CEP112: variants seen among roughly 807,000 people sequenced by gnomAD.
The protein encoded by CEP112 is centrosomal protein 112.
Under a neutral mutation model 153.0 loss-of-function variants are expected in CEP112, and 127 were observed. The observed-to-expected ratio is 0.83, with a 90% CI of 0.72 to 0.96. The LOEUF (loss-of-function observed/expected upper bound fraction) is 0.96. Among genes scored for constraint, CEP112 ranks in the 40% least tolerant of loss-of-function variants. The probability of loss-of-function intolerance (pLI) is 0.00; values close to 1 mark genes in which losing one functional copy is unlikely to be tolerated. For synonymous variants in CEP112, 358 were observed against 374.4 expected, an observed-to-expected ratio of 0.96 and a Z score of 0.51; for missense variants, 1,089 against 1,101.2, an observed-to-expected ratio of 0.99 and a Z score of 0.16.
intron 12 of CEP112, among the ~76,000 whole-genome samples, chr17:66,039,333 T>C (rs2065876412): frequency 6.6e-6 from 1 of 152,116 alleles, no homozygotes; most frequent in South Asian, 2.1e-4. Context: ...AGTTAAAAAT[T>C]AAAAAGGGTT....
At chr17:66,129,260 C>T (rs775850706) in intron 6 of CEP112, among the ~76,000 whole-genome samples, 4 of 152,262 alleles carry the variant, frequency 2.6e-5, no homozygotes, top group East Asian at 1.9e-4. Context: ...CATCTTTCTT[C>T]GTGCCTATTT....
At chr17:66,178,963 G>A (rs1202773631) in intron 2 of CEP112, among the ~76,000 whole-genome samples, 1 of 152,100 alleles carries the variant, frequency 6.6e-6, no homozygotes, top group African/African-American at 2.4e-5. Context: ...TTTCCCCAGT[G>A]TAAGTCCTTC....
intron 17 of CEP112, among the ~76,000 whole-genome samples, chr17:65,969,789 T>C (rs1315378885): frequency 6.6e-6 from 1 of 152,154 alleles, no homozygotes; most frequent in Non-Finnish European, 1.5e-5. Context: ...GCATATTACA[T>C]GCATGCGCAT....
intron 4 of CEP112, 135 bp from the exon 5 acceptor site, chr17:66,132,898 C>T (rs558137225): frequency 2.1e-5 from 14 of 665,752 alleles, no homozygotes; most frequent in East Asian, 5.6e-5. Flanking sequence ...CATAGCCGGG[C>T]GTGGTGGCGA....
chr17:65,671,384 G>A (rs2046974007), intron 24 of CEP112, among the ~76,000 whole-genome samples: 1 of 152,208 alleles, frequency 6.6e-6, no homozygotes, highest in African/African-American at 2.4e-5. Flanking sequence ...CCCATGATGA[G>A]TGTAAGAGAA....
At chr17:65,750,457 TTAAA>T in intron 22 of CEP112, among the ~76,000 whole-genome samples, 1 of 152,236 alleles carries the variant, frequency 6.6e-6, no homozygotes, top group South Asian at 2.1e-4. Context: ...TTTCAAATGG[TTAAA>T]TATGCCTAAT....
chr17:65,989,079 TA>T (rs1056725793), intron 17 of CEP112, among the ~76,000 whole-genome samples: 2 of 148,502 alleles, frequency 1.3e-5, no homozygotes, highest in South Asian at 2.1e-4. Flanking sequence ...ACAAAAAAAT[TA>T]AAAAAAAAGC....
chr17:65,938,008 G>A (rs370368255), intron 18 of CEP112, among the ~76,000 whole-genome samples: 1 of 119,276 alleles, frequency 8.4e-6, no homozygotes, highest in African/African-American at 2.8e-5. Flanking sequence ...TTGAGAAATC[G>A]GATGGTTGCC....
intron 21 of CEP112, among the ~76,000 whole-genome samples, chr17:65,768,036 T>C (rs1457505329): frequency 1.3e-5 from 2 of 152,100 alleles, no homozygotes; most frequent in African/African-American, 4.8e-5. Context: ...TGGAGGTTAG[T>C]GGTGCTGACC....
At chr17:65,877,359 G>A (rs2058870676) in intron 20 of CEP112, among the ~76,000 whole-genome samples, 1 of 152,190 alleles carries the variant, frequency 6.6e-6, no homozygotes, top group African/African-American at 2.4e-5. Context: ...GGAAGTCCAG[G>A]GTTAAGTGCT....
chr17:65,755,453 A>G (rs2052199161), intron 21 of CEP112, among the ~76,000 whole-genome samples: 1 of 152,132 alleles, frequency 6.6e-6, no homozygotes, highest in Admixed American at 6.5e-5. Flanking sequence ...TTGACCTGAG[A>G]TTTGGGCGGG....
intron 17 of CEP112, among the ~76,000 whole-genome samples, chr17:66,001,630 C>CT (rs1276007257): frequency 6.6e-6 from 1 of 152,112 alleles, no homozygotes; most frequent in African/African-American, 2.4e-5. Flanking sequence ...TAATTGAATA[C>CT]TTTAAAATAG....
intron 20 of CEP112, among the ~76,000 whole-genome samples, chr17:65,852,980 CT>C (rs1261192196): frequency 2.0e-5 from 3 of 152,106 alleles, no homozygotes; most frequent in Admixed American, 1.3e-4. Context: ...GTTCAAAATA[CT>C]TTTTTAACTT....
chr17:66,040,494 C>CTTTTT (rs71160522), intron 12 of CEP112, among the ~76,000 whole-genome samples: 6 of 133,480 alleles, frequency 4.5e-5, no homozygotes, highest in Admixed American at 8.0e-5. Context: ...CCCTTTTTTT[C>CTTTTT]TTTTTTTTTT....
At chr17:65,882,449 T>C (rs1049800224) in intron 20 of CEP112, among the ~76,000 whole-genome samples, 1 of 152,214 alleles carries the variant, frequency 6.6e-6, no homozygotes. Flanking sequence ...ATCATTATTA[T>C]TTGGAGATTT....
At chr17:65,707,734 T>C (rs138369256) in intron 23 of CEP112, among the ~76,000 whole-genome samples, 11 of 152,310 alleles carry the variant, frequency 7.2e-5, no homozygotes, top group South Asian at 6.2e-4. Context: ...TAGCAGTATA[T>C]AAGGAATAGA....
At chr17:65,866,856 A>ATTT (rs1314446264) in intron 20 of CEP112, among the ~76,000 whole-genome samples, 4 of 152,174 alleles carry the variant, frequency 2.6e-5, no homozygotes, top group Non-Finnish European at 5.9e-5. Flanking sequence ...CTATTGCTCA[A>ATTT]TAAAGCTCCT....
intron 19 of CEP112, among the ~76,000 whole-genome samples, chr17:65,922,229 A>C (rs1304949700): frequency 6.6e-6 from 1 of 151,988 alleles, no homozygotes; most frequent in Non-Finnish European, 1.5e-5. Context: ...TTCATTTCTT[A>C]TCTCTCTCTT....
At chr17:65,793,498 T>C (rs1405946076) in intron 21 of CEP112, among the ~76,000 whole-genome samples, 1 of 152,138 alleles carries the variant, frequency 6.6e-6, no homozygotes, top group Non-Finnish European at 1.5e-5. Context: ...AACTTAAAAG[T>C]TGGAAAAAAT....
Sources: allele counts gnomAD v4.1 joint callset (sites outside exome capture counted in the v4.1 genomes callset), GRCh38; gene constraint gnomAD v4.1.1; transcripts MANE v1.5; gene names NCBI Gene and HGNC (gene_info 2026-07-23, HGNC 2026-07-21).